Variants in ANKS1B observed in about 807,000 individuals in gnomAD.
ANKS1B encodes the protein ankyrin repeat and sterile alpha motif domain-containing protein 1B.
In ANKS1B, 36 loss-of-function variants were observed where a neutral mutation model predicts 148.3. The observed-to-expected ratio is 0.24, with a 90% confidence interval of 0.19 to 0.32. ANKS1B has a LOEUF of 0.32. Ranked by LOEUF, ANKS1B falls within the 10% of genes least tolerant of loss-of-function variation. The pLI is 1.00. For missense variants in ANKS1B, 1,157 were observed against 1,542.6 expected, an observed-to-expected ratio of 0.75 and a Z score of 4.19; for synonymous variants, 542 against 560.8, an observed-to-expected ratio of 0.97 and a Z score of 0.47.
intron 12 of ANKS1B, among the ~76,000 whole-genome samples, chr12:99,372,694 A>C (rs984510738): frequency 6.6e-6 from 1 of 152,084 alleles, no homozygotes; most frequent in Non-Finnish European, 1.5e-5. Flanking sequence ...ACTCACGCAC[A>C]TTATTTTTAT....
intron 16 of ANKS1B, among the ~76,000 whole-genome samples, chr12:99,076,471 T>G (rs370206281): frequency 1.3e-5 from 2 of 152,126 alleles, no homozygotes; most frequent in East Asian, 3.9e-4. Context: ...AGTTTTGGGG[T>G]CAGATCTGTG....
rs1286432491 is a variant in ANKS1B at position 98,957,313 on chromosome 12, ATT to A, written c.2778+95842_2778+95843del. 2.3e-4 allele frequency among the ~76,000 whole-genome samples: 7 copies of A among 30,946 alleles called. No homozygotes were observed. The African/African-American group carries it at 3.3e-3, about 15-fold the overall frequency. 20.3% of individuals were successfully genotyped at this position (30,946 alleles called of 152,430 possible). ...GGATGCTCCAGGATTTTTTTTAAAT[ATT>A]TATTTATTTATTTATTTATTTATTT... On this transcript the variant is annotated intron_variant, in intron 17 of 26. Coordinates refer to ENST00000683438, the MANE Select transcript of ANKS1B (RefSeq NM_001352186.2).
At chr12:98,916,230 T>A (rs1353490058) in intron 17 of ANKS1B, among the ~76,000 whole-genome samples, 1 of 152,134 alleles carries the variant, frequency 6.6e-6, no homozygotes, top group African/African-American at 2.4e-5. Flanking sequence ...CAATCCAAGG[T>A]TTAGAACAGA....
At chr12:99,808,057 T>G (rs889840645) in intron 3 of ANKS1B, among the ~76,000 whole-genome samples, 1 of 152,122 alleles carries the variant, frequency 6.6e-6, no homozygotes, top group Non-Finnish European at 1.5e-5. Flanking sequence ...CCATGCTCTT[T>G]CCACTATACC....
chr12:98,756,712 C>T (rs1008591626), intron 25 of ANKS1B, among the ~76,000 whole-genome samples: 14 of 149,774 alleles, frequency 9.3e-5, no homozygotes, highest in Admixed American at 5.3e-4. Context: ...GGTGACAGAG[C>T]GAGACTCCAT....
intron 8 of ANKS1B, among the ~76,000 whole-genome samples, chr12:99,693,375 A>C (rs1282722654): frequency 6.6e-6 from 1 of 152,238 alleles, no homozygotes; most frequent in Non-Finnish European, 1.5e-5. Context: ...GTGTAAAAAA[A>C]CCAGAAACAA....
chr12:99,545,089 T>C (rs899207105), intron 9 of ANKS1B, among the ~76,000 whole-genome samples: 1 of 152,144 alleles, frequency 6.6e-6, no homozygotes, highest in African/African-American at 2.4e-5. Context: ...TTCTAAGATA[T>C]GATTAATTGC....
intron 10 of ANKS1B, among the ~76,000 whole-genome samples, chr12:99,459,283 C>T (rs1255124757): frequency 1.3e-5 from 2 of 152,054 alleles, no homozygotes; most frequent in Admixed American, 6.6e-5. Context: ...GCATCTATGA[C>T]AAACCCACAG....
intron 14 of ANKS1B, among the ~76,000 whole-genome samples, chr12:99,231,627 C>A (rs1188223081): frequency 6.6e-6 from 1 of 151,162 alleles, no homozygotes; most frequent in Non-Finnish European, 1.5e-5. Flanking sequence ...TTTTTTAGTT[C>A]TGTAATAAGG....
rs899901836 is a variant in ANKS1B, at chr12:98,765,704, T to C, written c.3579+7338A>G. On this transcript the variant is annotated intron_variant, in intron 25 of 26. Coordinates refer to ENST00000683438, the MANE Select transcript of ANKS1B (RefSeq NM_001352186.2). ...TCTCAGCCTTAGGTTCAAGCAGTTC[T>C]CCTGCCTCAGCCTCCCAAGTAGCTG... 5.3e-5 allele frequency among the ~76,000 whole-genome samples: 8 copies of C among 151,872 alleles called. No individual in the cohort carries two copies. In the East Asian group the frequency reaches 1.4e-3, roughly 26 times the overall value.
At chr12:98,935,737 A>T (rs1464197706) in intron 17 of ANKS1B, among the ~76,000 whole-genome samples, 1 of 152,206 alleles carries the variant, frequency 6.6e-6, no homozygotes, top group African/African-American at 2.4e-5. Context: ...AACCTAATGT[A>T]ATAATTAAGA....
chr12:99,860,303 TA>T (rs1276422848), intron 1 of ANKS1B, among the ~76,000 whole-genome samples: 1 of 152,022 alleles, frequency 6.6e-6, no homozygotes, highest in Non-Finnish European at 1.5e-5. Context: ...ACCTTCTAGA[TA>T]AAATAAAGGG....
chr12:99,555,237 A>T (rs61942123), intron 9 of ANKS1B, among the ~76,000 whole-genome samples: 6,591 of 152,216 alleles, frequency 0.043, 210 homozygotes, highest in Non-Finnish European at 0.071. Context: ...TTGCCCAACT[A>T]CCGTCCACAA....
intron 1 of ANKS1B, among the ~76,000 whole-genome samples, chr12:99,929,273 T>G (rs1251973435): frequency 6.6e-6 from 1 of 152,178 alleles, no homozygotes; most frequent in Admixed American, 6.5e-5. Context: ...TTTCATGTGT[T>G]TTTTGGCTGC....
At chr12:98,977,865 G>A (rs1374143841) in intron 17 of ANKS1B, among the ~76,000 whole-genome samples, 1 of 152,004 alleles carries the variant, frequency 6.6e-6, no homozygotes. Flanking sequence ...GAAAGAACTT[G>A]GTAAGTGATG....
At chr12:99,182,830 C>T (rs887275460) in intron 14 of ANKS1B, among the ~76,000 whole-genome samples, 3 of 152,130 alleles carry the variant, frequency 2.0e-5, no homozygotes, top group East Asian at 1.9e-4. Context: ...TTTATTATTG[C>T]TTGTCTTTTG....
intron 14 of ANKS1B, among the ~76,000 whole-genome samples, chr12:99,231,614 C>CT (rs1282731123): frequency 1.3e-5 from 2 of 151,706 alleles, no homozygotes; most frequent in African/African-American, 2.4e-5. Context: ...TTTTAGCATC[C>CT]TTTTTTTTAG....
chr12:99,287,277 C>G (rs1415116992), intron 12 of ANKS1B, among the ~76,000 whole-genome samples: 1 of 152,130 alleles, frequency 6.6e-6, no homozygotes, highest in East Asian at 1.9e-4. Flanking sequence ...CTAAGGAATT[C>G]CCCTGGATCT....
chr12:99,984,364 A>T lies in ANKS1B; in HGVS notation c.-127T>A. 1.6e-5 allele frequency: 9 copies of T among 552,834 alleles called. No homozygotes were observed. The highest frequency in any genetic ancestry group is 2.6e-5 in the Non-Finnish European group (9 of 350,430). The allele number at this position is 552,834 out of a possible 1,614,324, so 34.2% of individuals were successfully genotyped here. A position where few individuals can be genotyped will look rare whatever the true frequency, so the allele number is the denominator to read the frequency against. On this transcript the variant is annotated 5_prime_UTR_variant, in exon 1 of 27. Coordinates refer to ENST00000683438, the MANE Select transcript of ANKS1B (RefSeq NM_001352186.2). ...AAATAATGCAAGAGCTTCAGCACGG[A>T]GAGCTCCCTGCAGCCCCAGGCAGGG...
Sources: allele counts gnomAD v4.1 joint callset (sites outside exome capture counted in the v4.1 genomes callset), GRCh38; gene constraint gnomAD v4.1.1; transcripts MANE v1.5; gene names NCBI Gene and HGNC (gene_info 2026-07-23, HGNC 2026-07-21).